Variants in NAF1 observed in about 807,000 individuals in gnomAD.
NAF1 encodes H/ACA ribonucleoprotein complex non-core subunit NAF1.
NAF1 carries 11 observed loss-of-function variants against 40.6 expected under a neutral mutation model. The observed-to-expected ratio is 0.27, with a 90% CI of 0.17 to 0.45. NAF1 has a LOEUF of 0.45. NAF1 is among the 20% of genes least tolerant of loss of function. The probability of loss-of-function intolerance (pLI) is 1.00; values close to 1 mark genes in which losing one functional copy is unlikely to be tolerated. For missense variants in NAF1, 607 were observed against 611.1 expected (o/e 0.99, Z 0.07); for synonymous variants, 260 against 228.5 (o/e 1.14, Z -1.24).
Position 163,148,428 on chromosome 4 carries a change from G to C in NAF1, c.547C>G (p.Pro183Ala), listed in dbSNP as rs1731563724. The C allele has an allele frequency of 1.9e-6, 3 of 1,568,878 alleles. No homozygotes were observed. The African/African-American group carries it at 4.2e-5, about 22-fold the overall frequency. Residue 183 changes from proline to alanine, a missense_variant, in exon 3 of 8, where the codon CCT becomes GCT. Physicochemically the swap from Pro to Ala is conservative, Grantham distance 27. Around this residue, in one of 3 missense-constraint regions of NAF1, gnomAD observed 407 missense variants for 365.5 expected, o/e 1.11. Coordinates refer to ENST00000274054, the MANE Select transcript of NAF1 (RefSeq NM_138386.3). ...ATAATAGTGAGTTCTTCAACAGAAG[G>C]CAGTTCCTATAATTTAAAACAAAAC... ...TKDELLLNEL[P>A]SVEELTIILP...
chr4:163,104,540 A>C, the NAF1 span, among the ~76,000 whole-genome samples: 1 of 152,200 alleles, frequency 6.6e-6, no homozygotes, highest in African/African-American at 2.4e-5. Context: ...TACTGATATA[A>C]CCAACCTTGG....
downstream of NAF1, chr4:163,126,967 T>C: frequency 6.5e-7 from 1 of 1,547,244 alleles, no homozygotes; most frequent in Non-Finnish European, 8.7e-7. Context: ...ATTGGTTTTT[T>C]TAGACACAAT....
At chr4:163,144,844 A>T (rs1317212655) in intron 4 of NAF1, among the ~76,000 whole-genome samples, 1 of 152,194 alleles carries the variant, frequency 6.6e-6, no homozygotes, top group Non-Finnish European at 1.5e-5. Flanking sequence ...AAATACAAAA[A>T]AAATGTCTGT....
Position 163,166,652 on chromosome 4 carries a change from C to T in NAF1, c.76G>A (p.Gly26Ser), listed in dbSNP as rs942779350. The change falls in exon 1 of 8, where the codon GGT becomes AGT. Residue 26 changes from glycine to serine, a missense_variant. Coordinates refer to ENST00000274054, the MANE Select transcript of NAF1 (RefSeq NM_138386.3). ...GAGCCCGGAGACGGAGCCGCCGGAC[C>T]TTCCCCAACTCCAAAGTCGGTGCCA... ...FNGTDFGVGE[G>S]PAAPSPGSAP... 1 of 1,613,526 alleles carries T rather than the reference C, an allele frequency of 6.2e-7. No homozygotes were observed. The highest frequency in any genetic ancestry group is 1.1e-5 in the South Asian group (1 of 91,054).
intron 2 of NAF1, among the ~76,000 whole-genome samples, chr4:163,117,841 T>A (rs1730396524): frequency 6.6e-6 from 1 of 152,104 alleles, no homozygotes; most frequent in South Asian, 2.1e-4. Flanking sequence ...CCCAAAAACC[T>A]TGCAGATTGA....
downstream of NAF1, among the ~76,000 whole-genome samples, chr4:163,122,339 G>A (rs1202306622): frequency 6.6e-6 from 1 of 152,014 alleles, no homozygotes; most frequent in African/African-American, 2.4e-5. Flanking sequence ...AACAAAAAAT[G>A]CAGAACAAAA....
At chr4:163,162,196 G>C (rs908284904) in intron 2 of NAF1, among the ~76,000 whole-genome samples, 2 of 152,154 alleles carry the variant, frequency 1.3e-5, no homozygotes, top group Non-Finnish European at 2.9e-5. Context: ...CGGACAAAGA[G>C]GCAGACTCCT....
At chr4:163,111,950 G>T (rs1393015702) in intron 2 of NAF1, among the ~76,000 whole-genome samples, 2 of 152,140 alleles carry the variant, frequency 1.3e-5, no homozygotes, top group African/African-American at 4.8e-5. Flanking sequence ...ATCATAGTTT[G>T]CACTGTAAAA....
intron 2 of NAF1, among the ~76,000 whole-genome samples, chr4:163,158,518 AAACTT>A (rs1283461311): frequency 9.9e-5 from 15 of 152,212 alleles, no homozygotes; most frequent in South Asian, 6.2e-4. Flanking sequence ...GTATGACACT[AAACTT>A]AAGACTCAGA....
chr4:163,133,106 A>G, intron 7 of NAF1, 48 bp downstream of exon 7: 3 of 1,420,166 alleles, frequency 2.1e-6, no homozygotes, highest in Non-Finnish European at 3.0e-6. Context: ...AAACTTATAT[A>G]GATGTAAATG....
intron 7 of NAF1, 94 bp from the exon 8 acceptor site, chr4:163,129,442 A>G: frequency 1.6e-6 from 2 of 1,275,888 alleles, no homozygotes; most frequent in Non-Finnish European, 2.1e-6. Flanking sequence ...TTTATTATCC[A>G]GTATATCTTG....
rs934619946 is a variant in NAF1, at chr4:163,142,034, T to C, written c.718-1651A>G. ...GTATTATGAAATAACACTAATAGCA[T>C]CACAAATTTAAAGCTTTAAAAAAGT... On this transcript the variant is annotated intron_variant, in intron 4 of 7. Transcript: ENST00000274054. The C allele has an allele frequency of 7.6e-6, 4 of 524,812 alleles. No individual in the cohort carries two copies. In the African/African-American group the frequency reaches 8.3e-5, roughly 11 times the overall value. 32.5% of individuals were successfully genotyped at this position (524,812 alleles called of 1,614,324 possible).
downstream of NAF1, chr4:163,110,049 G>A: frequency 2.2e-6 from 1 of 458,826 alleles, no homozygotes; most frequent in South Asian, 5.3e-5. Context: ...TAAGTATGCA[G>A]ATATGGAGAA....
chr4:163,125,990 T>C (rs540693319), downstream of NAF1, among the ~76,000 whole-genome samples: 146 of 152,326 alleles, frequency 9.6e-4, 2 homozygotes, highest in South Asian at 0.029. Flanking sequence ...AGCACATCTT[T>C]TAAAATCATG....
At chr4:163,151,095 T>G (rs1039041965) in intron 2 of NAF1, among the ~76,000 whole-genome samples, 36 of 151,358 alleles carry the variant, frequency 2.4e-4, no homozygotes, top group African/African-American at 8.5e-4. Context: ...GGCTTATCTT[T>G]TATTAATTTA....
chr4:163,163,946 A>C (rs140362906), intron 2 of NAF1, among the ~76,000 whole-genome samples: 1 of 152,276 alleles, frequency 6.6e-6, no homozygotes, highest in Non-Finnish European at 1.5e-5. Flanking sequence ...ATCTTCTTCT[A>C]GGGAATGTAA....
At chr4:163,109,479 A>G (rs530884608), downstream of NAF1, among the ~76,000 whole-genome samples, 2 of 152,244 alleles carry the variant, frequency 1.3e-5, no homozygotes, top group East Asian at 1.9e-4. Flanking sequence ...GTTACACTCC[A>G]TTTATTAAAA....
At chr4:163,148,561 TG>T (rs755697164) in intron 2 of NAF1, 127 bp from the exon 3 acceptor site, 39 of 617,078 alleles carry the variant, frequency 6.3e-5, no homozygotes, top group Non-Finnish European at 1.0e-4. Context: ...ATCTCTTTAA[TG>T]TTATCATTTT....
Position 163,129,032 on chromosome 4 carries a change from A to G in NAF1, c.1350T>C (p.Gly450=), listed in dbSNP as rs1032226535. The G allele has an allele frequency of 5.8e-6, 7 of 1,206,342 alleles. No homozygotes were observed. The highest frequency in any genetic ancestry group is 6.4e-6 in the Non-Finnish European group (6 of 933,826). 74.7% of individuals were successfully genotyped at this position (1,206,342 alleles called of 1,614,324 possible). Residue 450 remains glycine (G), a synonymous_variant, in exon 8 of 8, where the codon GGT becomes GGC. Transcript: ENST00000274054. ...GAGCAGCCATGTTTGGTGTAGCCCA[A>G]CCCATGTTTACAGGTGGGGGTGGTG... ...PPPPPPPVNM[G]WATPNMAAHP...
Sources: gnomAD v4.1 joint callset for allele counts (sites outside exome capture counted in the v4.1 genomes callset) on GRCh38, gnomAD v4.1.1 for gene constraint, gnomAD v4.1.1 regional missense constraint, MANE v1.5 for transcripts, NCBI Gene and HGNC (gene_info 2026-07-23, HGNC 2026-07-21) for gene names.